STRBP: variants seen among roughly 807,000 people sequenced by gnomAD.
The protein encoded by STRBP is spermatid perinuclear RNA binding protein, also known as spermatid perinuclear RNA-binding protein.
STRBP carries 13 observed loss-of-function variants against 80.1 expected under a neutral mutation model. The ratio of observed to expected loss-of-function variants is 0.16; its 90% CI spans 0.11 to 0.26. The LOEUF (loss-of-function observed/expected upper bound fraction) is 0.26. STRBP is among the 10% of genes least tolerant of loss of function. The pLI is 1.00. For missense variants in STRBP, 485 were observed against 815.2 expected (o/e 0.59, Z 4.93); for synonymous variants, 284 against 291.2 (o/e 0.98, Z 0.25).
intron 13 of STRBP, among the ~76,000 whole-genome samples, chr9:123,144,197 CA>C (rs957671357): frequency 0.018 from 1,226 of 69,020 alleles, 5 homozygotes; most frequent in Middle Eastern, 0.07. Flanking sequence ...GACTCCGTCT[CA>C]AAAAAAAAAA....
chr9:123,195,088 T>C (rs758856542), intron 2 of STRBP, among the ~76,000 whole-genome samples: 7 of 152,174 alleles, frequency 4.6e-5, no homozygotes, highest in Non-Finnish European at 7.4e-5. Flanking sequence ...CTTGGATGTT[T>C]AATAAGCATC....
intron 2 of STRBP, among the ~76,000 whole-genome samples, chr9:123,228,438 A>G (rs2040305929): frequency 6.6e-6 from 1 of 152,244 alleles, no homozygotes; most frequent in East Asian, 1.9e-4. Flanking sequence ...ACTGACAAGG[A>G]TTGACCAATA....
At chr9:123,199,382 C>T (rs1028928581) in intron 2 of STRBP, among the ~76,000 whole-genome samples, 2 of 152,058 alleles carry the variant, frequency 1.3e-5, no homozygotes, top group African/African-American at 4.8e-5. Context: ...TGGTTCCACA[C>T]GAATTTTAGG....
chr9:123,135,317 T>A (rs564619650), intron 16 of STRBP, among the ~76,000 whole-genome samples: 7 of 152,342 alleles, frequency 4.6e-5, no homozygotes, highest in African/African-American at 1.7e-4. Context: ...TATCATATAA[T>A]ATATTCAGAT....
rs182448762 is a variant in STRBP, at chr9:123,184,987, T to C, written c.-164-689A>G. ...CCAGAGTCCTAATCATTGTTACTTA[T>C]TTTGTTCCACCTTTATGAGATTTTA... is the stretch of plus-strand genomic sequence containing the variant. On this transcript the variant is annotated intron_variant, in intron 2 of 18. Transcript: ENST00000348403. Among the ~76,000 whole-genome samples the C allele has an allele frequency of 7.2e-5, 11 of 152,308 alleles. No homozygotes were observed. The East Asian group carries it at 1.9e-3, about 27-fold the overall frequency.
intron 1 of STRBP, among the ~76,000 whole-genome samples, chr9:123,238,264 A>G (rs1050822683): frequency 2.0e-5 from 3 of 152,260 alleles, no homozygotes; most frequent in Admixed American, 2.0e-4. Context: ...CCTAGGCAAC[A>G]TAGCAAGACT....
chr9:123,173,382 T>C (rs1301913157), intron 5 of STRBP, among the ~76,000 whole-genome samples: 1 of 152,136 alleles, frequency 6.6e-6, no homozygotes, highest in East Asian at 1.9e-4. Context: ...TTCCAAGAAC[T>C]TTATAATGGT....
chr9:123,135,122 A>C (rs2036298315), intron 16 of STRBP, among the ~76,000 whole-genome samples: 1 of 152,154 alleles, frequency 6.6e-6, no homozygotes, highest in African/African-American at 2.4e-5. Flanking sequence ...CCCCACCATC[A>C]ATTAGCTGTG....
At chr9:123,182,756 C>T (rs1172674534) in intron 3 of STRBP, among the ~76,000 whole-genome samples, 1 of 152,170 alleles carries the variant, frequency 6.6e-6, no homozygotes, top group Non-Finnish European at 1.5e-5. Context: ...CGCCTATAAT[C>T]CCAGCACTTT....
intron 1 of STRBP, among the ~76,000 whole-genome samples, chr9:123,259,192 G>A (rs2041107755): frequency 6.6e-6 from 1 of 152,166 alleles, no homozygotes. Flanking sequence ...GATTTCCTAA[G>A]GGATCAGATG....
At chr9:123,206,893 C>G (rs760919498) in intron 2 of STRBP, among the ~76,000 whole-genome samples, 5 of 152,164 alleles carry the variant, frequency 3.3e-5, no homozygotes, top group Non-Finnish European at 7.3e-5. Context: ...CCACCTTGGC[C>G]TCCCAAAGTG....
At chr9:123,133,192 T>C (rs1027739054) in intron 16 of STRBP, among the ~76,000 whole-genome samples, 1 of 152,138 alleles carries the variant, frequency 6.6e-6, no homozygotes, top group East Asian at 1.9e-4. Context: ...TGCTTGAGGG[T>C]TATCCAGAAA....
At chr9:123,184,898 C>T (rs2038633501) in intron 2 of STRBP, among the ~76,000 whole-genome samples, 2 of 152,268 alleles carry the variant, frequency 1.3e-5, no homozygotes, top group East Asian at 3.9e-4. Context: ...CCTGAATATT[C>T]ACTAGATCCT....
At chr9:123,268,157 C>T (rs546562504) in intron 1 of STRBP, among the ~76,000 whole-genome samples, 3 of 151,990 alleles carry the variant, frequency 2.0e-5, no homozygotes, top group South Asian at 2.1e-4. Context: ...TCGGCCGGGA[C>T]CCCGTCCCCG....
At chr9:123,137,511 G>A (rs2036408788) in intron 14 of STRBP, among the ~76,000 whole-genome samples, 1 of 152,166 alleles carries the variant, frequency 6.6e-6, no homozygotes, top group Non-Finnish European at 1.5e-5. Flanking sequence ...CTGGGTTCAG[G>A]TAATTCCTGC....
At position 123,179,202 on chromosome 9, in the gene STRBP, T is replaced by C. The variant is rs781032910; in HGVS notation, c.29A>G (p.Asp10Gly). 12 of 1,609,322 alleles carry C rather than the reference T, an allele frequency of 7.5e-6. No individual in the cohort carries two copies. The highest frequency in any genetic ancestry group is 6.8e-6 in the Non-Finnish European group (8 of 1,175,942). ...ATGTTTCACCATAACATGGCGATCA[T>C]CATTAGCAAAAGATCGAATAGATCT... MRSIRSFAN[D>G]DRHVMVKHST... The change falls in exon 4 of 19, where the codon GAT (aspartate) becomes GGT (glycine). Residue 10 changes from aspartate to glycine, a missense_variant. Transcript: ENST00000348403.
intron 1 of STRBP, among the ~76,000 whole-genome samples, chr9:123,266,185 C>A (rs879213537): frequency 2.0e-5 from 3 of 152,180 alleles, no homozygotes; most frequent in Non-Finnish European, 4.4e-5. Flanking sequence ...GTGCGCTCCT[C>A]GTGACCCTGT....
chr9:123,160,325 T>C, intron 8 of STRBP, 42 bp downstream of exon 8: 2 of 1,441,824 alleles, frequency 1.4e-6, no homozygotes, highest in Non-Finnish European at 1.9e-6. Context: ...TTTTCTCTGC[T>C]ACAGCTTCCA....
intron 3 of STRBP, among the ~76,000 whole-genome samples, chr9:123,179,944 T>A (rs900820445): frequency 3.3e-5 from 5 of 152,046 alleles, no homozygotes; most frequent in African/African-American, 7.2e-5. Flanking sequence ...GCCAAAGACT[T>A]CTAACCTTAG....
Sources: allele counts gnomAD v4.1 joint callset (sites outside exome capture counted in the v4.1 genomes callset), GRCh38; gene constraint gnomAD v4.1.1; transcripts MANE v1.5; gene names NCBI Gene and HGNC (gene_info 2026-07-23, HGNC 2026-07-21).